Variants in PLBD2 observed in about 807,000 individuals in gnomAD.
The protein encoded by PLBD2 is putative aminopeptidase PLBD2.
PLBD2 carries 51 observed loss-of-function variants against 68.3 expected under a neutral mutation model. The ratio of observed to expected loss-of-function variants is 0.75; its 90% confidence interval spans 0.60 to 0.94. PLBD2 has a LOEUF of 0.94. PLBD2 is among the 40% of genes least tolerant of loss of function. The pLI is 0.00. For missense variants in PLBD2, 729 were observed against 792.2 expected (o/e 0.92, Z 0.96); for synonymous variants, 314 against 339.3 (o/e 0.93, Z 0.82).
intron 1 of PLBD2, among the ~76,000 whole-genome samples, chr12:113,359,915 C>T (rs1957275026): frequency 1.3e-5 from 2 of 152,150 alleles, no homozygotes; most frequent in South Asian, 2.1e-4. Flanking sequence ...GGGGTGCATC[C>T]GTCATATCCT....
chr12:113,362,788 T>C (rs1314835103), intron 1 of PLBD2, among the ~76,000 whole-genome samples: 1 of 142,448 alleles, frequency 7.0e-6, no homozygotes, highest in Admixed American at 7.0e-5. Flanking sequence ...CTTCTTTTGA[T>C]TTATTTTTTT....
intron 1 of PLBD2, among the ~76,000 whole-genome samples, chr12:113,364,853 C>T (rs1417659340): frequency 2.6e-5 from 4 of 152,002 alleles, no homozygotes; most frequent in African/African-American, 9.7e-5. Context: ...AAGGGGGAGT[C>T]ACTCTGCCCA....
At chr12:113,386,797 G>T in intron 9 of PLBD2, 140 bp from the exon 10 acceptor site, 1 of 949,206 alleles carries the variant, frequency 1.1e-6, no homozygotes, top group Non-Finnish European at 1.5e-6. Flanking sequence ...GGGATTACAG[G>T]TGTGAGCCAC....
intron 6 of PLBD2, among the ~76,000 whole-genome samples, chr12:113,382,830 G>GTTTTTTTTTTTT (rs1179441269): frequency 1.6e-5 from 2 of 126,364 alleles, no homozygotes; most frequent in African/African-American, 6.2e-5. Flanking sequence ...GGTGGTGGTG[G>GTTTTTTTTTTTT]TTTTTTGTGT....
Position 113,372,692 on chromosome 12 carries a change from G to A in PLBD2, c.428G>A (p.Gly143Asp), listed in dbSNP as rs774378701. The change falls in exon 3 of 12, where the codon GGC becomes GAC. Residue 143 changes from glycine (G) to aspartate (D), a missense_variant. Coordinates refer to ENST00000280800, the MANE Select transcript of PLBD2 (RefSeq NM_173542.4). This position sits in a 1 kb window ranked among gnomAD's most constrained non-coding sequence, Gnocchi z 4.2. ...ATGAACACGGTGGTGAATTACTGCG[G>A]CCCCTTCGAGTATGAAGTCGGCTAC... ...HWMNTVVNYC[G>D]PFEYEVGYCE... 1.2e-6 allele frequency: 2 copies of A among 1,613,982 alleles called. No individual in the cohort carries two copies. Among genetic ancestry groups the A allele is most frequent in the South Asian group, 2.2e-5 (2 of 91,082 alleles).
intron 2 of PLBD2, among the ~76,000 whole-genome samples, 173 bp downstream of exon 2, chr12:113,369,382 C>T (rs182011756): frequency 8.5e-4 from 129 of 152,256 alleles, no homozygotes; most frequent in Non-Finnish European, 1.2e-3. Flanking sequence ...CACTAGGGGC[C>T]GGCCACTGCA....
Position 113,388,704 on chromosome 12 carries a change from C to T in PLBD2, c.*78C>T, listed in dbSNP as rs1017450181. The T allele has an allele frequency of 6.9e-7, 1 of 1,446,900 alleles. No individual in the cohort carries two copies. Among genetic ancestry groups the T allele is most frequent in the Non-Finnish European group, 9.2e-7 (1 of 1,085,444 alleles). 89.6% of individuals were successfully genotyped at this position (1,446,900 alleles called of 1,614,324 possible). On this transcript the variant is annotated 3_prime_UTR_variant, in exon 12 of 12. Transcript: ENST00000280800. ...CCCCCGTCCCAAGGCCACCGGACTT[C>T]TAACTCCAGCCCCTCCTGGGGGCTT...
In PLBD2 at chr12:113,388,478, C is replaced by G. The variant is rs1322718526; in HGVS notation, c.1622C>G (p.Ala541Gly). ...IDVKVTSMSL[A>G]RILSLLAASG... ...CCCCAGGTGACCAGCATGTCACTGG[C>G]CAGGATCCTGAGCCTGCTGGCGGCC... Residue 541 changes from alanine (A) to glycine (G), a missense_variant, in exon 12 of 12, where the codon GCC becomes GGC. Ala to Gly is a moderately conservative substitution (Grantham distance 60, BLOSUM62 0). Coordinates refer to ENST00000280800, the MANE Select transcript of PLBD2 (RefSeq NM_173542.4). The G allele has an allele frequency of 1.3e-6, 2 of 1,598,664 alleles. No individual in the cohort carries two copies. Among genetic ancestry groups the G allele is most frequent in the South Asian group, 2.2e-5 (2 of 89,812 alleles).
chr12:113,386,074 C>T lies in PLBD2; in HGVS notation c.1286+791C>T, dbSNP rs556244326. Among the ~76,000 whole-genome samples the T allele has an allele frequency of 8.7e-4, 132 of 151,880 alleles. 8 individuals are homozygous for T. The South Asian group carries it at 0.027, about 31-fold the overall frequency. On this transcript the variant is annotated intron_variant, in intron 9 of 11. Transcript: ENST00000280800. Reference sequence around the variant, plus strand: ...ACTGAAGGCAGGATTTGATGCCATGCCTTTTGGGCCCCAGAGCCCAAGCTT... The same window carrying T: ...ACTGAAGGCAGGATTTGATGCCATGTCTTTTGGGCCCCAGAGCCCAAGCTT...
chr12:113,384,724 A>G lies in PLBD2; in HGVS notation c.1119-127A>G. ...GGTCATGCTGCAGCGTCAGGGTGTC[A>G]GTTGAATGGCTGGACAACCCCAGGC... On this transcript the variant is annotated intron_variant, in intron 7 of 11. Coordinates refer to ENST00000280800, the MANE Select transcript of PLBD2 (RefSeq NM_173542.4). The surrounding 1 kb of genome is among the most constrained non-coding windows in gnomAD (Gnocchi z 4.2). 1.4e-6 allele frequency: 1 copy of G among 692,642 alleles called. No homozygotes were observed. Among genetic ancestry groups the G allele is most frequent in the Non-Finnish European group, 2.6e-6 (1 of 391,884 alleles). The allele number at this position is 692,642 out of a possible 1,614,324, so 42.9% of individuals were successfully genotyped here. A position where few individuals can be genotyped will look rare whatever the true frequency, so the allele number is the denominator to read the frequency against.
At chr12:113,379,812 CAA>C (rs549168455) in intron 5 of PLBD2, among the ~76,000 whole-genome samples, 6 of 140,554 alleles carry the variant, frequency 4.3e-5, no homozygotes, top group African/African-American at 1.0e-4. Flanking sequence ...AACTCTGTCT[CAA>C]AAAAAAAAAA....
chr12:113,386,627 A>G (rs1429315054), intron 9 of PLBD2, among the ~76,000 whole-genome samples: 1 of 149,424 alleles, frequency 6.7e-6, no homozygotes, highest in Non-Finnish European at 1.5e-5. Context: ...TCAAGTGAGT[A>G]CATGCCTCAG....
intron 9 of PLBD2, among the ~76,000 whole-genome samples, chr12:113,385,694 GA>G (rs1957544460): frequency 6.6e-6 from 1 of 152,256 alleles, no homozygotes; most frequent in African/African-American, 2.4e-5. Context: ...GAGGCCCTGA[GA>G]AAGTACCTCA....
intron 1 of PLBD2, among the ~76,000 whole-genome samples, chr12:113,364,762 C>T (rs1383566562): frequency 2.0e-5 from 3 of 152,164 alleles, no homozygotes; most frequent in Non-Finnish European, 4.4e-5. Context: ...GCGCCATCTC[C>T]TCTCAGATTC....
At position 113,369,223 on chromosome 12, in the gene PLBD2, TG is replaced by T; in HGVS notation, c.384+18del. 6.3e-6 allele frequency: 10 copies of T among 1,575,474 alleles called. No individual in the cohort carries two copies. The highest frequency in any genetic ancestry group is 7.8e-6 in the Non-Finnish European group (9 of 1,159,452). ...GTGTCGGAGGAGGTAAGGGCCAAGG[TG>T]GGGACATGGGGCTCCCACCCTGCCC... On this transcript the variant is annotated intron_variant, in intron 2 of 11. Coordinates refer to ENST00000280800, the MANE Select transcript of PLBD2 (RefSeq NM_173542.4).
chr12:113,371,827 A>C (rs1186492169), intron 2 of PLBD2, among the ~76,000 whole-genome samples: 1 of 152,202 alleles, frequency 6.6e-6, no homozygotes, highest in African/African-American at 2.4e-5. Flanking sequence ...ATTCAACCTC[A>C]GCTCTGTCTA....
At chr12:113,379,681 G>A (rs903057753) in intron 5 of PLBD2, among the ~76,000 whole-genome samples, 2 of 151,582 alleles carry the variant, frequency 1.3e-5, no homozygotes, top group African/African-American at 4.8e-5. Context: ...CCTGCCGGGG[G>A]TGGGCCTGTA....
chr12:113,365,466 A>C (rs1957334604), intron 1 of PLBD2, among the ~76,000 whole-genome samples: 1 of 151,758 alleles, frequency 6.6e-6, no homozygotes. Context: ...GGCACGCACC[A>C]CTACACCCAG....
In PLBD2 at chr12:113,388,855, T is replaced by G. The variant is rs2136927120; in HGVS notation, c.*229T>G. The G allele has an allele frequency of 2.2e-6, 1 of 449,236 alleles. No individual in the cohort carries two copies. The highest frequency in any genetic ancestry group is 3.7e-5 in the East Asian group (1 of 26,916). The allele number at this position is 449,236 out of a possible 1,614,324, so 27.8% of individuals were successfully genotyped here. On this transcript the variant is annotated 3_prime_UTR_variant, in exon 12 of 12. Coordinates refer to ENST00000280800, the MANE Select transcript of PLBD2 (RefSeq NM_173542.4). ...CCGTGGCGTCTCTTCTGCCCTGCCC[T>G]AAATCTCCCACTCTCTGTTTCTGTC...
Sources: gnomAD v4.1 joint callset for allele counts (sites outside exome capture counted in the v4.1 genomes callset) on GRCh38, gnomAD v4.1.1 for gene constraint, Gnocchi (gnomAD v3.1) non-coding constraint, MANE v1.5 for transcripts, NCBI Gene and HGNC (gene_info 2026-07-23, HGNC 2026-07-21) for gene names.